Variants in EFCAB5 observed in about 807,000 individuals in gnomAD.
EFCAB5 encodes the protein EF-hand calcium binding domain 5, also known as EF-hand calcium-binding domain-containing protein 5.
Under a neutral mutation model 167.9 loss-of-function variants are expected in EFCAB5, and 131 were observed. The ratio of observed to expected loss-of-function variants is 0.78; its 90% confidence interval spans 0.68 to 0.90. The LOEUF is 0.90. Ranked by LOEUF, EFCAB5 falls within the 40% of genes least tolerant of loss-of-function variation. The pLI is 0.00. For missense variants in EFCAB5, 1,663 were observed against 1,745.2 expected, an observed-to-expected ratio of 0.95 and a Z score of 0.84; for synonymous variants, 574 against 602.8, an observed-to-expected ratio of 0.95 and a Z score of 0.70.
At chr17:29,963,169 T>C (rs1319373947) in intron 3 of EFCAB5, among the ~76,000 whole-genome samples, 1 of 152,132 alleles carries the variant, frequency 6.6e-6, no homozygotes, top group African/African-American at 2.4e-5. Context: ...CTTGAACTCC[T>C]GGACTCAAGC....
At chr17:30,055,379 A>C (rs895796999) in intron 10 of EFCAB5, among the ~76,000 whole-genome samples, 12 of 146,348 alleles carry the variant, frequency 8.2e-5, no homozygotes, top group African/African-American at 3.0e-4. Flanking sequence ...GAAGGAAGGA[A>C]GGAAGGTTCG....
intron 4 of EFCAB5, among the ~76,000 whole-genome samples, chr17:29,973,201 C>G (rs2067994382): frequency 6.6e-6 from 1 of 152,126 alleles, no homozygotes. Flanking sequence ...TCTGCCCTAC[C>G]CCACCCTGGA....
chr17:30,056,754 C>A (rs1325190802), intron 12 of EFCAB5, among the ~76,000 whole-genome samples: 1 of 152,172 alleles, frequency 6.6e-6, no homozygotes, highest in Non-Finnish European at 1.5e-5. Context: ...TATCTTCTTC[C>A]TACCTGCAAA....
intron 7 of EFCAB5, among the ~76,000 whole-genome samples, chr17:30,014,132 C>G (rs535818662): frequency 1.3e-5 from 2 of 152,256 alleles, no homozygotes; most frequent in Admixed American, 1.3e-4. Flanking sequence ...TTTCTTAATC[C>G]TGAGTTCTCA....
intron 8 of EFCAB5, among the ~76,000 whole-genome samples, chr17:30,039,093 G>A (rs887533276): frequency 2.0e-5 from 3 of 152,256 alleles, no homozygotes; most frequent in Non-Finnish European, 2.9e-5. Context: ...CGCAGGAGCC[G>A]TCTTTTAGCA....
intron 14 of EFCAB5, chr17:30,069,575 CTCT>C (rs1407795159): frequency 5.6e-6 from 9 of 1,613,184 alleles, no homozygotes; most frequent in African/African-American, 1.3e-5. Context: ...CGTATGGATC[CTCT>C]TCTTCCTCGT....
At position 30,069,354 on chromosome 17, in the gene EFCAB5, T is replaced by A. The variant is rs117293087; in HGVS notation, c.2738-8861T>A. The A allele has an allele frequency of 3.9e-6, 6 of 1,558,268 alleles. No individual in the cohort carries two copies. In the East Asian group the frequency reaches 1.3e-4, roughly 35 times the overall value. On this transcript the variant is annotated intron_variant, in intron 14 of 22. Coordinates refer to ENST00000394835, the MANE Select transcript of EFCAB5 (RefSeq NM_198529.4). ...TTTGAACAGGAAAATCAGCGACTAA[T>A]TGGTGAAATGAACAGCTTGTTTGAT...
At chr17:30,102,993 C>T (rs1248867727) in intron 22 of EFCAB5, among the ~76,000 whole-genome samples, 1 of 151,530 alleles carries the variant, frequency 6.6e-6, no homozygotes, top group African/African-American at 2.4e-5. Flanking sequence ...CCCACACCAC[C>T]ATGCCCAGCT....
intron 14 of EFCAB5, chr17:30,068,999 C>T: frequency 7.0e-7 from 1 of 1,437,458 alleles, no homozygotes; most frequent in Middle Eastern, 1.9e-4. Flanking sequence ...GAGATACATT[C>T]CCAGCAAGTG....
chr17:29,989,435 C>T (rs2068363143), intron 4 of EFCAB5, among the ~76,000 whole-genome samples: 1 of 152,188 alleles, frequency 6.6e-6, no homozygotes, highest in Admixed American at 6.5e-5. Context: ...CAACACTTTC[C>T]AATGAAAACA....
intron 22 of EFCAB5, among the ~76,000 whole-genome samples, chr17:30,096,426 C>T (rs1430603187): frequency 1.3e-5 from 2 of 151,698 alleles, no homozygotes; most frequent in Non-Finnish European, 1.5e-5. Flanking sequence ...ACCTGTGGTC[C>T]CAGCTACTTG....
intron 6 of EFCAB5, 48 bp from the exon 7 acceptor site, chr17:29,999,858 T>C (rs2068624804): frequency 7.5e-7 from 1 of 1,340,406 alleles, no homozygotes; most frequent in South Asian, 1.3e-5. Context: ...ATATCAAATA[T>C]ATATTACAAC....
At chr17:29,934,421 T>C (rs1458597655) in intron 1 of EFCAB5, among the ~76,000 whole-genome samples, 1 of 152,236 alleles carries the variant, frequency 6.6e-6, no homozygotes, top group Non-Finnish European at 1.5e-5. Flanking sequence ...AAAGGTCTAA[T>C]TTGCAGAGTT....
chr17:29,970,390 C>A (rs1487721387), intron 4 of EFCAB5, among the ~76,000 whole-genome samples: 1 of 151,914 alleles, frequency 6.6e-6, no homozygotes, highest in Non-Finnish European at 1.5e-5. Flanking sequence ...TGCTCTTCTT[C>A]TTTTCTGATG....
chr17:30,055,045 C>A (rs1047390823), intron 10 of EFCAB5, among the ~76,000 whole-genome samples: 2 of 152,146 alleles, frequency 1.3e-5, no homozygotes, highest in African/African-American at 4.8e-5. Context: ...TGCCTGTAAT[C>A]CCAGCACTTT....
chr17:30,004,248 T>C (rs1379242078), intron 7 of EFCAB5, among the ~76,000 whole-genome samples: 1 of 152,242 alleles, frequency 6.6e-6, no homozygotes, highest in Non-Finnish European at 1.5e-5. Flanking sequence ...CATCTATCAC[T>C]ATGAGACTTG....
intron 3 of EFCAB5, among the ~76,000 whole-genome samples, chr17:29,965,518 T>C (rs922968039): frequency 2.6e-5 from 4 of 152,204 alleles, no homozygotes; most frequent in African/African-American, 9.6e-5. Context: ...GCTGTTATAT[T>C]GGGTAGACTA....
intron 7 of EFCAB5, among the ~76,000 whole-genome samples, chr17:30,007,333 G>T (rs2068792923): frequency 6.6e-6 from 1 of 152,022 alleles, no homozygotes; most frequent in Non-Finnish European, 1.5e-5. Context: ...CATATTTATT[G>T]GGAAATACAA....
At position 30,078,412 on chromosome 17, in the gene EFCAB5, C is replaced by A; in HGVS notation, c.2935C>A (p.Arg979=). 2 of 1,613,908 alleles carry A rather than the reference C, an allele frequency of 1.2e-6. No homozygotes were observed. Among genetic ancestry groups the A allele is most frequent in the South Asian group, 1.1e-5 (1 of 91,068 alleles). ...HIESLRNSAR[R]KWLHQIQCAA... is the part of the protein sequence containing the mutation. Reference sequence around the variant, plus strand: ...TGAGAGTCTGAGGAATTCTGCCAGGCGGAAATGGCTGCACCAAATCCAATG... The same window carrying A: ...TGAGAGTCTGAGGAATTCTGCCAGGAGGAAATGGCTGCACCAAATCCAATG... Residue 979 remains arginine (R), a synonymous_variant, in exon 15 of 23, where the codon CGG becomes AGG. Coordinates refer to ENST00000394835, the MANE Select transcript of EFCAB5 (RefSeq NM_198529.4).
Sources: allele counts gnomAD v4.1 joint callset (sites outside exome capture counted in the v4.1 genomes callset), GRCh38; gene constraint gnomAD v4.1.1; transcripts MANE v1.5; gene names NCBI Gene and HGNC (gene_info 2026-07-23, HGNC 2026-07-21).